ZNF732: variants seen among roughly 807,000 people sequenced by gnomAD.
ZNF732 encodes the protein zinc finger protein 732, also known as zinc finger protein LOC654254.
A neutral mutation model predicts 11.5 loss-of-function variants in ZNF732; 12 were observed. The observed-to-expected ratio is 1.05, with a 90% CI of 0.67 to 1.70. ZNF732 has a LOEUF of 1.70. Ranked by LOEUF, ZNF732 falls within the 40% of genes most tolerant of loss-of-function variation. The probability of loss-of-function intolerance (pLI) is 0.00; values close to 1 mark genes in which losing one functional copy is unlikely to be tolerated. For synonymous variants in ZNF732, 231 were observed against 236.5 expected (o/e 0.98, Z 0.21); for missense variants, 702 against 676.9 (o/e 1.04, Z -0.41).
chr4:273,898 C>T (rs1719441685), intron 3 of ZNF732, among the ~76,000 whole-genome samples: 1 of 150,360 alleles, frequency 6.7e-6, no homozygotes, highest in Non-Finnish European at 1.5e-5. Context: ...ATGTGGGAAT[C>T]ATATAACCAG....
chr4:301,334 G>T lies in ZNF732; in HGVS notation c.3+3974C>A, dbSNP rs1720114603. On this transcript the variant is annotated intron_variant, in intron 1 of 3. Coordinates refer to ENST00000419098, the MANE Select transcript of ZNF732 (RefSeq NM_001137608.3). Reference sequence around the variant, plus strand: ...GCGATTCCTCAGGGATCTAGAACTAGAAATACCATTTGACCCAGCCATCTC... The same window carrying T: ...GCGATTCCTCAGGGATCTAGAACTATAAATACCATTTGACCCAGCCATCTC... Among the ~76,000 whole-genome samples the T allele has an allele frequency of 2.0e-5, 3 of 152,268 alleles. No homozygotes were observed. In the South Asian group the frequency reaches 6.2e-4, roughly 32 times the overall value.
intron 1 of ZNF732, among the ~76,000 whole-genome samples, chr4:299,437 A>ATATATATACACATATGTG (rs1720046169): frequency 7.6e-4 from 9 of 11,920 alleles, no homozygotes; most frequent in East Asian, 5.9e-3. Flanking sequence ...ACATATGTGT[A>ATATATATACACATATGTG]TATATATATA....
At chr4:299,384 CACATATGT>C (rs1560165017) in intron 1 of ZNF732, among the ~76,000 whole-genome samples, 1 of 61,654 alleles carries the variant, frequency 1.6e-5, no homozygotes, top group Non-Finnish European at 3.5e-5. Flanking sequence ...TATATATATA[CACATATGT>C]ACACATATGT....
At chr4:281,673 CT>C (rs1553839840) in intron 3 of ZNF732, among the ~76,000 whole-genome samples, 1 of 152,204 alleles carries the variant, frequency 6.6e-6, no homozygotes, top group East Asian at 1.9e-4. Flanking sequence ...CAGTGGAAAT[CT>C]CATCAGCCCA....
chr4:278,239 G>GA (rs1404182216), intron 3 of ZNF732, among the ~76,000 whole-genome samples: 8 of 151,808 alleles, frequency 5.3e-5, no homozygotes, highest in African/African-American at 1.7e-4. Context: ...AAAGGCTTAA[G>GA]AAAAAAAATA....
intron 3 of ZNF732, among the ~76,000 whole-genome samples, chr4:294,346 A>G (rs1719903026): frequency 6.6e-6 from 1 of 152,236 alleles, no homozygotes. Flanking sequence ...TTCGTTTCCA[A>G]GAATCTATCA....
chr4:295,575 T>C, intron 2 of ZNF732, 42 bp from the exon 3 acceptor site: 1 of 1,462,446 alleles, frequency 6.8e-7, no homozygotes, highest in Non-Finnish European at 9.4e-7. Context: ...TTAGGGATTC[T>C]CCAATTACCT....
Position 295,434 on chromosome 4 carries a change from C to T in ZNF732, c.226+4G>A. The T allele has an allele frequency of 6.2e-7, 1 of 1,600,308 alleles. No individual in the cohort carries two copies. Among genetic ancestry groups the T allele is most frequent in the Non-Finnish European group, 8.5e-7 (1 of 1,172,902 alleles). ...TGTCCTCTCCTTCATTCACTGTCAC[C>T]TACCTGGGTGTTTGGCTACTGTCTC... On this transcript the variant is annotated splice_donor_region_variant and intron_variant, in intron 3 of 3. Coordinates refer to ENST00000419098, the MANE Select transcript of ZNF732 (RefSeq NM_001137608.3).
At chr4:304,776 C>CA (rs1720194181) in intron 1 of ZNF732, among the ~76,000 whole-genome samples, 1 of 152,242 alleles carries the variant, frequency 6.6e-6, no homozygotes, top group Admixed American at 6.5e-5. Flanking sequence ...GCGCACAGGG[C>CA]AAGGGGACTG....
chr4:297,880 T>C (rs1719987474), intron 1 of ZNF732, among the ~76,000 whole-genome samples: 1 of 152,004 alleles, frequency 6.6e-6, no homozygotes, highest in Non-Finnish European at 1.5e-5. Flanking sequence ...CAGTAGAGGG[T>C]GGATCTGGGC....
chr4:272,063 A>AGG lies in ZNF732; in HGVS notation c.792_793dup (p.Leu265ProfsTer86). ...AGCATGAATTCTCTTATGCTTAGTA[A>AGG]GGGTTGAGGACCTATTAAAGGCTTT... On this transcript the variant is annotated frameshift_variant, in exon 4 of 4. Transcript: ENST00000419098. LOFTEE classifies it low-confidence loss of function (END_TRUNC). 1 of 1,611,290 alleles carries AGG rather than the reference A, an allele frequency of 6.2e-7. No individual in the cohort carries two copies. The highest frequency in any genetic ancestry group is 1.1e-5 in the South Asian group (1 of 90,784).
At chr4:293,295 T>TATTC in intron 3 of ZNF732, among the ~76,000 whole-genome samples, 1 of 145,624 alleles carries the variant, frequency 6.9e-6, no homozygotes, top group African/African-American at 2.6e-5. Flanking sequence ...TATATATATA[T>TATTC]ATATGTGTGT....
intron 3 of ZNF732, among the ~76,000 whole-genome samples, chr4:288,577 CTCTGT>C (rs1252203459): frequency 3.9e-5 from 6 of 152,178 alleles, no homozygotes; most frequent in South Asian, 2.1e-4. Flanking sequence ...TTTTTGAGTT[CTCTGT>C]TCTGTTCTAT....
In ZNF732 at chr4:272,117, T is replaced by C; in HGVS notation, c.740A>G (p.Glu247Gly). 1.2e-6 allele frequency: 2 copies of C among 1,612,662 alleles called. No individual in the cohort carries two copies. Among genetic ancestry groups the C allele is most frequent in the South Asian group, 1.1e-5 (1 of 90,950 alleles). ...NFAKHKVHTG[E>G]KSYKYEECGK... ...ACATTCTTCATATTTGTAAGATTTC[T>C]CTCCAGTATGAACTTTATGTTTAGC... Residue 247 changes from glutamate (E) to glycine (G), a missense_variant, in exon 4 of 4, where the codon GAG becomes GGG. By Grantham distance (98) the Glu-to-Gly change is moderately conservative. This residue lies in a region of ZNF732 where 596 missense variants were observed against 557.9 expected (regional missense o/e 1.07). Coordinates refer to ENST00000419098, the MANE Select transcript of ZNF732 (RefSeq NM_001137608.3).
chr4:284,905 AG>A (rs1413279916), intron 3 of ZNF732, among the ~76,000 whole-genome samples: 192 of 151,214 alleles, frequency 1.3e-3, no homozygotes, highest in East Asian at 2.7e-3. Flanking sequence ...AAGAAGAAAA[AG>A]AAACAAACAA....
rs182404042 is a variant in ZNF732, at chr4:300,389, G to C, written c.4-4234C>G. Among the ~76,000 whole-genome samples the C allele has an allele frequency of 2.1e-3, 309 of 150,530 alleles. 1 individual carries two copies. The highest frequency in any genetic ancestry group is 7.2e-3 in the African/African-American group (296 of 40,876). On this transcript the variant is annotated intron_variant, in intron 1 of 3. Transcript: ENST00000419098. ...GAGACAGGAGAATCACTTGAACTCA[G>C]GGGGCAGAGGTTGTAGTGAGCAACC...
At chr4:274,511 A>C (rs78676359) in intron 3 of ZNF732, among the ~76,000 whole-genome samples, 571 of 151,770 alleles carry the variant, frequency 3.8e-3, no homozygotes, top group African/African-American at 0.013. Flanking sequence ...GAGTAAGTCT[A>C]TTTCAGCAAA....
At chr4:303,998 G>A (rs1026680715) in intron 1 of ZNF732, among the ~76,000 whole-genome samples, 2 of 152,212 alleles carry the variant, frequency 1.3e-5, no homozygotes, top group African/African-American at 4.8e-5. Flanking sequence ...AGGCAGAGGA[G>A]ATTAGGATCA....
chr4:272,334 A>T lies in ZNF732; in HGVS notation c.523T>A (p.Ser175Thr), dbSNP rs1339837315. ...GTTAGGTCTGAGAACTTCTGAAATG[A>T]CTTGCCACATTCTTTAAAGTGTTTC... ...GEKHFKECGKSFQKFSDLTQH... is the reference protein window; with the variant it reads ...GEKHFKECGKTFQKFSDLTQH... Residue 175 changes from serine (S) to threonine (T), a missense_variant, in exon 4 of 4, where the codon TCA becomes ACA. This residue lies in a region of ZNF732 where 596 missense variants were observed against 557.9 expected (regional missense o/e 1.07). Transcript: ENST00000419098. The T allele has an allele frequency of 6.2e-7, 1 of 1,610,710 alleles. No individual in the cohort carries two copies. The highest frequency in any genetic ancestry group is 8.5e-7 in the Non-Finnish European group (1 of 1,178,082).
Sources: gnomAD v4.1 joint callset for allele counts (sites outside exome capture counted in the v4.1 genomes callset) on GRCh38, gnomAD v4.1.1 for gene constraint, gnomAD v4.1.1 regional missense constraint, MANE v1.5 for transcripts, NCBI Gene and HGNC (gene_info 2026-07-23, HGNC 2026-07-21) for gene names.